Variants in TDRD9 observed in about 807,000 individuals in gnomAD.
TDRD9 encodes the protein ATP-dependent RNA helicase TDRD9.
A neutral mutation model predicts 172.6 loss-of-function variants in TDRD9; 124 were observed. That is an observed-to-expected ratio of 0.72 (90% CI 0.62 to 0.83). The LOEUF (loss-of-function observed/expected upper bound fraction) is 0.83, where lower values mean the gene tolerates loss of function less well. Ranked by LOEUF, TDRD9 falls within the 40% of genes least tolerant of loss-of-function variation. The probability of loss-of-function intolerance (pLI) is 0.00; values close to 1 mark genes in which losing one functional copy is unlikely to be tolerated. For missense variants in TDRD9, 1,479 were observed against 1,714.1 expected (o/e 0.86, Z 2.42); for synonymous variants, 619 against 617.1 (o/e 1.00, Z -0.05).
Position 103,955,770 on chromosome 14 carries a change from G to A in TDRD9, c.322G>A (p.Gly108Ser). The change falls in exon 2 of 36, where the codon GGT (glycine) becomes AGT (serine). Residue 108 changes from glycine to serine, a missense_variant and splice_region_variant. Gly to Ser is a moderately conservative substitution (Grantham distance 56). Coordinates refer to ENST00000409874, the MANE Select transcript of TDRD9 (RefSeq NM_153046.3). ...CAGTGTCCAACCAACCAGTGGGCCAGGTAAACAGGTCTCTTTAAATATTTT... is the reference window on the plus strand; with the variant it reads ...CAGTGTCCAACCAACCAGTGGGCCAAGTAAACAGGTCTCTTTAAATATTTT... The part of the protein sequence containing the change: ...CRSVQPTSGP[G>S]PRPSLAKLSS... 1 of 1,550,102 alleles carries A rather than the reference G, an allele frequency of 6.5e-7. No homozygotes were observed. The highest frequency in any genetic ancestry group is 8.7e-7 in the Non-Finnish European group (1 of 1,146,178).
intron 1 of TDRD9, among the ~76,000 whole-genome samples, chr14:103,935,532 C>T (rs755120918): frequency 7.2e-5 from 11 of 152,084 alleles, no homozygotes; most frequent in Non-Finnish European, 1.5e-4. Flanking sequence ...CTTTAAAATG[C>T]CTGTTAGACA....
intron 5 of TDRD9, 71 bp downstream of exon 5, chr14:103,966,902 C>T (rs59945383): frequency 0.014 from 18,793 of 1,353,398 alleles, 319 homozygotes; most frequent in African/African-American, 0.077. Flanking sequence ...TATTGTGAAC[C>T]CTGTCTTTGT....
intron 29 of TDRD9, among the ~76,000 whole-genome samples, chr14:104,031,468 G>GT (rs55696833): frequency 0.23 from 24,273 of 105,022 alleles, 3,336 homozygotes; most frequent in South Asian, 0.39. Flanking sequence ...GCTTTGACTA[G>GT]TTTTTTTTTT....
intron 20 of TDRD9, among the ~76,000 whole-genome samples, chr14:104,009,428 G>A (rs1035665753): frequency 6.6e-6 from 1 of 152,090 alleles, no homozygotes; most frequent in Non-Finnish European, 1.5e-5. Flanking sequence ...GATAAAAATG[G>A]CATACCAATA....
At chr14:103,994,311 C>T (rs2033978329) in intron 9 of TDRD9, 21 bp from the exon 10 acceptor site, 1 of 1,608,304 alleles carries the variant, frequency 6.2e-7, no homozygotes, top group Non-Finnish European at 8.5e-7. Context: ...TATTTCCCTC[C>T]TCCACTTTTT....
intron 35 of TDRD9, among the ~76,000 whole-genome samples, chr14:104,051,079 G>A (rs981916837): frequency 1.3e-5 from 2 of 152,168 alleles, no homozygotes; most frequent in Non-Finnish European, 2.9e-5. Flanking sequence ...CAGGTACTAA[G>A]CATAGTACCC....
rs1375827672 is a variant in TDRD9 at position 104,025,725 on chromosome 14, A to G, written c.2880A>G (p.Lys960=). The change falls in exon 26 of 36, where the codon AAA becomes AAG. Residue 960 remains lysine, a synonymous_variant. Transcript: ENST00000409874. Reference sequence around the variant, plus strand: ...TGGCACCTTTTGCTGATTTTGATAAACAACGCTACTTTAGAGCTCAAGTCC... The same window carrying G: ...TGGCACCTTTTGCTGATTTTGATAAGCAACGCTACTTTAGAGCTCAAGTCC... ...VCLAPFADFD[K]QRYFRAQVLY... is the part of the protein sequence containing the mutation. The G allele has an allele frequency of 1.2e-6, 2 of 1,613,906 alleles. No homozygotes were observed. Among genetic ancestry groups the G allele is most frequent in the Non-Finnish European group, 1.7e-6 (2 of 1,179,908 alleles).
chr14:104,013,066 C>T (rs1452979414), intron 20 of TDRD9, among the ~76,000 whole-genome samples: 1 of 152,100 alleles, frequency 6.6e-6, no homozygotes, highest in Non-Finnish European at 1.5e-5. Flanking sequence ...GTGTGCTCTC[C>T]CTTGCTTCCC....
At chr14:103,975,792 A>G (rs2033212425) in intron 7 of TDRD9, among the ~76,000 whole-genome samples, 1 of 152,226 alleles carries the variant, frequency 6.6e-6, no homozygotes, top group East Asian at 1.9e-4. Context: ...ATTGTTAATT[A>G]TCTTTAACAT....
chr14:103,969,007 G>A (rs1175578582), intron 5 of TDRD9, among the ~76,000 whole-genome samples: 1 of 149,606 alleles, frequency 6.7e-6, no homozygotes, highest in Non-Finnish European at 1.5e-5. Flanking sequence ...GGCTGAGGCC[G>A]GAGAATGGCG....
chr14:104,038,725 G>A lies in TDRD9; in HGVS notation c.3717-1471G>A, dbSNP rs572110931. ...GGAGTCTCACTCTGTCACCCAGCCT[G>A]GAGTGCAGTGGTGCCATCTCAGCTC... On this transcript the variant is annotated intron_variant, in intron 32 of 35. Coordinates refer to ENST00000409874, the MANE Select transcript of TDRD9 (RefSeq NM_153046.3). Among the ~76,000 whole-genome samples the A allele has an allele frequency of 1.8e-4, 27 of 152,268 alleles. No individual in the cohort carries two copies. The East Asian group carries it at 1.9e-3, about 11-fold the overall frequency.
intron 8 of TDRD9, 56 bp from the exon 9 acceptor site, chr14:103,991,104 A>G: frequency 6.3e-7 from 1 of 1,598,898 alleles, no homozygotes; most frequent in Non-Finnish European, 8.6e-7. Context: ...GATTTTAGAG[A>G]AGCAATAGCT....
chr14:103,985,361 A>G (rs773205749), intron 7 of TDRD9, among the ~76,000 whole-genome samples: 3 of 152,110 alleles, frequency 2.0e-5, no homozygotes, highest in Non-Finnish European at 2.9e-5. Flanking sequence ...ATAGTGAGTA[A>G]GTCTCATGAA....
intron 32 of TDRD9, among the ~76,000 whole-genome samples, chr14:104,037,533 T>A (rs1184474058): frequency 6.6e-6 from 1 of 152,226 alleles, no homozygotes; most frequent in African/African-American, 2.4e-5. Flanking sequence ...TGTACAATAG[T>A]GGCAGGAAAG....
At chr14:103,955,593 A>T in intron 1 of TDRD9, 71 bp from the exon 2 acceptor site, 2 of 1,151,218 alleles carry the variant, frequency 1.7e-6, no homozygotes, top group East Asian at 5.7e-5. Context: ...TTAATGTGAA[A>T]AACTTGTCTA....
chr14:103,967,268 C>A (rs982097729), intron 5 of TDRD9, among the ~76,000 whole-genome samples: 1 of 133,630 alleles, frequency 7.5e-6, no homozygotes, highest in African/African-American at 2.8e-5. Context: ...TCTGGGAGGC[C>A]AAGGTGGGTG....
intron 13 of TDRD9, among the ~76,000 whole-genome samples, chr14:104,002,001 G>A (rs971314989): frequency 1.3e-5 from 2 of 150,986 alleles, no homozygotes; most frequent in African/African-American, 4.9e-5. Flanking sequence ...TGTTTTTTCC[G>A]TATCTTTGCC....
chr14:103,959,673 A>C (rs978664253), intron 2 of TDRD9, among the ~76,000 whole-genome samples: 2 of 152,176 alleles, frequency 1.3e-5, no homozygotes, highest in Admixed American at 6.5e-5. Context: ...TACAGGTGTT[A>C]TTTCACTTAT....
chr14:104,002,732 CTTTTTTTTTT>C (rs200744019), intron 13 of TDRD9, among the ~76,000 whole-genome samples: 34,914 of 146,814 alleles, frequency 0.24, 4,799 homozygotes, highest in South Asian at 0.44. Flanking sequence ...CTTTTCTTTT[CTTTTTTTTTT>C]TTCTTTTTGA....
Sources: gnomAD v4.1 joint callset for allele counts (sites outside exome capture counted in the v4.1 genomes callset) on GRCh38, gnomAD v4.1.1 for gene constraint, MANE v1.5 for transcripts, NCBI Gene and HGNC (gene_info 2026-07-23, HGNC 2026-07-21) for gene names.